Variants in MYO15A observed in about 807,000 individuals in gnomAD.
MYO15A encodes the protein myosin XVA, also known as unconventional myosin-XV.
A neutral mutation model predicts 394.6 loss-of-function variants in MYO15A; 308 were observed. The observed-to-expected ratio is 0.78, with a 90% CI of 0.71 to 0.86. The LOEUF is 0.86. Ranked by LOEUF, MYO15A falls within the 40% of genes least tolerant of loss-of-function variation. The pLI is 0.00. For synonymous variants in MYO15A, 1,957 were observed against 2,003.8 expected, an observed-to-expected ratio of 0.98 and a Z score of 0.62; for missense variants, 4,606 against 4,799.1, an observed-to-expected ratio of 0.96 and a Z score of 1.19.
chr17:18,127,379 G>C (rs184421726), intron 7 of MYO15A, among the ~76,000 whole-genome samples: 267 of 152,300 alleles, frequency 1.8e-3, no homozygotes, highest in Non-Finnish European at 2.9e-3. Flanking sequence ...TTCTGTGGCA[G>C]CTCCTGCTTC....
intron 19 of MYO15A, 119 bp from the exon 20 acceptor site, chr17:18,140,398 G>A: frequency 1.4e-6 from 2 of 1,395,128 alleles, no homozygotes; most frequent in Admixed American, 1.7e-5. Context: ...AGAGAGAACA[G>A]GGGTCCAGTT....
At position 18,158,603 on chromosome 17, in the gene MYO15A, C is replaced by G. The variant is rs2142391280; in HGVS notation, c.9048C>G (p.Ala3016=). 1 of 1,614,186 alleles carries G rather than the reference C, an allele frequency of 6.2e-7. No homozygotes were observed. The highest frequency in any genetic ancestry group is 2.2e-5 in the East Asian group (1 of 44,882). Residue 3016 remains alanine, a synonymous_variant, in exon 52 of 66, where the codon GCC becomes GCG. Transcript: ENST00000647165. ...CACCCTACACAATGCTCGAGTTTGC[C>G]CAGAAGTATTTCCGAGACCCTCAGA... ...ALPPYTMLEF[A]QKYFRDPQRR...
At chr17:18,154,902 A>T in intron 45 of MYO15A, 147 bp downstream of exon 45, 1 of 1,038,962 alleles carries the variant, frequency 9.6e-7, no homozygotes, top group Non-Finnish European at 1.4e-6. Context: ...GGCCTCTCGC[A>T]TGGCCGGGCT....
intron 7 of MYO15A, among the ~76,000 whole-genome samples, chr17:18,128,445 C>T (rs1230063838): frequency 1.3e-5 from 2 of 152,104 alleles, no homozygotes; most frequent in Non-Finnish European, 2.9e-5. Context: ...ATCCTGGGGG[C>T]GTAGGTGGAG....
Position 18,121,095 on chromosome 17 carries a change from G to T in MYO15A, c.2295G>T (p.Ser765=). 2.7e-6 allele frequency: 4 copies of T among 1,502,532 alleles called. No homozygotes were observed. The highest frequency in any genetic ancestry group is 3.5e-6 in the Non-Finnish European group (4 of 1,130,114). The allele number at this position is 1,502,532 out of a possible 1,614,324, so 93.1% of individuals were successfully genotyped here. A position where few individuals can be genotyped will look rare whatever the true frequency, so the allele number is the denominator to read the frequency against. The part of the protein sequence containing the change: ...FGFPGASPRA[S]RRRAWSPLAS... ...TCCCCGGGGCCTCTCCACGGGCGTC[G>T]CGGAGGCGAGCTTGGTCACCGCTGG... The change falls in exon 2 of 66, where the codon TCG becomes TCT. Residue 765 remains serine, a synonymous_variant. Transcript: ENST00000647165. This position sits in a 1 kb window ranked among gnomAD's most constrained non-coding sequence, Gnocchi z 5.3.
At position 18,163,169 on chromosome 17, in the gene MYO15A, C is replaced by G. The variant is rs1188555643; in HGVS notation, c.9613-75C>G. On this transcript the variant is annotated intron_variant, in intron 58 of 65. Transcript: ENST00000647165. ...CCCAGGATCCTTTGGCTTGGGAACT[C>G]CCAGGGCAGGAGACAAGGGCTGTCC... The G allele has an allele frequency of 2.0e-6, 3 of 1,509,116 alleles. No homozygotes were observed. In the South Asian group the frequency reaches 3.4e-5, roughly 17 times the overall value. The allele number at this position is 1,509,116 out of a possible 1,614,324, so 93.5% of individuals were successfully genotyped here.
chr17:18,163,728 C>T lies in MYO15A; in HGVS notation c.9691-14C>T, dbSNP rs202081099. On this transcript the variant is annotated splice_polypyrimidine_tract_variant and intron_variant, in intron 59 of 65. Coordinates refer to ENST00000647165, the MANE Select transcript of MYO15A (RefSeq NM_016239.4). Reference sequence around the variant, plus strand: ...CCAACTGGCATGGCCTCATCTCTTCCGCCCCACCCCCAGGTGGCCCTGGAC... The same window carrying T: ...CCAACTGGCATGGCCTCATCTCTTCTGCCCCACCCCCAGGTGGCCCTGGAC... 2.6e-5 allele frequency: 41 copies of T among 1,605,736 alleles called. No homozygotes were observed. The highest frequency in any genetic ancestry group is 1.2e-4 in the Admixed American group (7 of 59,360).
rs1159130614 is a variant in MYO15A, at chr17:18,120,460, G to A, written c.1660G>A (p.Gly554Ser). 1.3e-6 allele frequency: 2 copies of A among 1,576,880 alleles called. No individual in the cohort carries two copies. The highest frequency in any genetic ancestry group is 1.1e-5 in the South Asian group (1 of 88,542). Reference protein sequence around the residue: ...RALSAFGAHRGLGFGPEFGRP... With the variant: ...RALSAFGAHRSLGFGPEFGRP... ...GCTGTCGGCCTTCGGCGCCCACCGG[G>A]GCCTGGGCTTCGGCCCTGAGTTTGG... The change falls in exon 2 of 66, where the codon GGC becomes AGC. Residue 554 changes from glycine (G) to serine (S), a missense_variant. By Grantham distance (56) the Gly-to-Ser change is moderately conservative (BLOSUM62 0). Transcript: ENST00000647165.
intron 1 of MYO15A, among the ~76,000 whole-genome samples, chr17:18,112,341 G>C (rs1184088238): frequency 6.6e-6 from 1 of 152,036 alleles, no homozygotes; most frequent in Non-Finnish European, 1.5e-5. Flanking sequence ...CCCCTCTAAA[G>C]TGGTGTTTCC....
chr17:18,154,160 T>A lies in MYO15A; in HGVS notation c.8118T>A (p.His2706Gln), dbSNP rs1185802522. Reference protein sequence around the residue: ...EVFYPKDSYSHPVQLDLLFRQ... With the variant: ...EVFYPKDSYSQPVQLDLLFRQ... Reference sequence around the variant, plus strand: ...TTTACCCCAAGGACAGCTACAGCCATCCTGTGCAGCTTGACCTCCTGTTCC... The same window carrying A: ...TTTACCCCAAGGACAGCTACAGCCAACCTGTGCAGCTTGACCTCCTGTTCC... The change falls in exon 44 of 66, where the codon CAT (histidine) becomes CAA (glutamine). Residue 2706 changes from histidine (H) to glutamine (Q), a missense_variant. By Grantham distance (24) the His-to-Gln change is conservative (BLOSUM62 0). This residue lies in a region of MYO15A where 2,776 missense variants were observed against 3,109.3 expected (regional missense o/e 0.89). Transcript: ENST00000647165. The A allele has an allele frequency of 6.2e-7, 1 of 1,614,062 alleles. No individual in the cohort carries two copies. The highest frequency in any genetic ancestry group is 8.5e-7 in the Non-Finnish European group (1 of 1,180,028).
chr17:18,127,860 T>TATATAC (rs1304277590), intron 7 of MYO15A, among the ~76,000 whole-genome samples: 4 of 147,014 alleles, frequency 2.7e-5, no homozygotes, highest in Non-Finnish European at 4.5e-5. Flanking sequence ...TATATATATA[T>TATATAC]ACACTTATAT....
At chr17:18,141,590 A>G (rs1335058385) in intron 22 of MYO15A, 63 bp from the exon 23 acceptor site, 2 of 1,487,726 alleles carry the variant, frequency 1.3e-6, no homozygotes, top group African/African-American at 1.4e-5. Flanking sequence ...CAGTAACCCC[A>G]TGGTCTAGCA....
At chr17:18,136,832 C>T in intron 15 of MYO15A, 146 bp downstream of exon 15, 1 of 1,236,750 alleles carries the variant, frequency 8.1e-7, no homozygotes, top group East Asian at 2.6e-5. Flanking sequence ...CACCATCTCC[C>T]TTGTCTCCTT....
chr17:18,149,287 A>G lies in MYO15A; in HGVS notation c.7028A>G (p.Lys2343Arg), dbSNP rs755130348. 5.0e-6 allele frequency: 8 copies of G among 1,613,962 alleles called. No individual in the cohort carries two copies. Among genetic ancestry groups the G allele is most frequent in the Non-Finnish European group, 6.8e-6 (8 of 1,179,948 alleles). ...TRPQPQEHMP[K>R]VLDSDGYSSH... is the part of the protein sequence containing the mutation. ...CCCCAGCCCCAGGAGCACATGCCCA[A>G]AGTACTTGACTCTGATGGGTACAGC... The change falls in exon 34 of 66, where the codon AAA becomes AGA. Residue 2343 changes from lysine (K) to arginine (R), a missense_variant. By Grantham distance (26) the Lys-to-Arg change is conservative (BLOSUM62 2). Transcript: ENST00000647165.
At chr17:18,175,292 C>CTTTTT (rs1182500584) in intron 65 of MYO15A, among the ~76,000 whole-genome samples, 3 of 91,294 alleles carry the variant, frequency 3.3e-5, no homozygotes, top group Non-Finnish European at 6.8e-5. Flanking sequence ...TCTAGACTAT[C>CTTTTT]TTTTTTTTTT....
chr17:18,143,462 C>A (rs894252232), intron 25 of MYO15A, 104 bp from the exon 26 acceptor site: 18 of 1,321,340 alleles, frequency 1.4e-5, no homozygotes, highest in South Asian at 5.0e-5. Context: ...AAGCTGCCCC[C>A]CTTGCTTGAG....
chr17:18,143,690 C>A, intron 26 of MYO15A, 25 bp from the exon 27 acceptor site: 1 of 1,579,746 alleles, frequency 6.3e-7, no homozygotes, highest in African/African-American at 1.3e-5. Flanking sequence ...CAGGCCTGTC[C>A]CTGTCCCATG....
chr17:18,172,044 A>G (rs2046949665), intron 63 of MYO15A, 113 bp from the exon 64 acceptor site: 2 of 1,565,920 alleles, frequency 1.3e-6, no homozygotes, highest in South Asian at 1.1e-5. Context: ...GACCCAGACC[A>G]AGGGCTTCTG....
chr17:18,138,858 C>CA lies in MYO15A; in HGVS notation c.5057dup (p.Asn1686LysfsTer13), dbSNP rs936567127. The CA allele has an allele frequency of 2.1e-5, 34 of 1,613,738 alleles. No individual in the cohort carries two copies. The highest frequency in any genetic ancestry group is 2.7e-5 in the African/African-American group (2 of 74,942). Reference sequence around the variant, plus strand: ...AGAAGTGCCACTACCATCATGGCGCCAACCCGCTCTATTCCAAACCCAAGA... The same window carrying CA: ...AGAAGTGCCACTACCATCATGGCGCCAAACCCGCTCTATTCCAAACCCAAGA... On this transcript the variant is annotated frameshift_variant, in exon 18 of 66. Transcript: ENST00000647165. LOFTEE classifies it high-confidence loss of function.
Sources: gnomAD v4.1 joint callset for allele counts (sites outside exome capture counted in the v4.1 genomes callset) on GRCh38, gnomAD v4.1.1 for gene constraint, gnomAD v4.1.1 regional missense constraint, Gnocchi (gnomAD v3.1) non-coding constraint, MANE v1.5 for transcripts, NCBI Gene and HGNC (gene_info 2026-07-23, HGNC 2026-07-21) for gene names.